LHFPL6: variants seen among roughly 807,000 people sequenced by gnomAD.
LHFPL6 encodes the protein LHFPL tetraspan subfamily member 6, also known as LHFPL tetraspan subfamily member 6 protein.
A neutral mutation model predicts 20.6 loss-of-function variants in LHFPL6; 9 were observed. The observed-to-expected ratio is 0.44, with a 90% CI of 0.26 to 0.76. The LOEUF (loss-of-function observed/expected upper bound fraction) is 0.76, where lower values mean the gene tolerates loss of function less well. Among genes scored for constraint, LHFPL6 ranks in the 30% least tolerant of loss-of-function variants. LHFPL6 has a pLI of 0.20. For missense variants in LHFPL6, 218 were observed against 253.5 expected, an observed-to-expected ratio of 0.86 and a Z score of 0.95; for synonymous variants, 105 against 98.7, an observed-to-expected ratio of 1.06 and a Z score of -0.38.
chr13:39,553,730 TA>T (rs942401862), intron 2 of LHFPL6, among the ~76,000 whole-genome samples: 6 of 151,210 alleles, frequency 4.0e-5, no homozygotes, highest in Admixed American at 2.6e-4. Context: ...ATAAAATAAA[TA>T]AAAAAGGCCA....
At chr13:39,596,552 G>A (rs1212199649) in intron 2 of LHFPL6, among the ~76,000 whole-genome samples, 2 of 152,008 alleles carry the variant, frequency 1.3e-5, no homozygotes, top group Non-Finnish European at 2.9e-5. Flanking sequence ...TTTAAAAACT[G>A]CTGGCTAAAA....
rs550510415 is a variant in LHFPL6 at position 39,370,642 on chromosome 13, C to A, written c.484+7786G>T. Among the ~76,000 whole-genome samples, 8 of 152,344 alleles carry A rather than the reference C, an allele frequency of 5.3e-5. No individual in the cohort carries two copies. The East Asian group carries it at 1.5e-3, about 29-fold the overall frequency. On this transcript the variant is annotated intron_variant, in intron 3 of 3. Coordinates refer to ENST00000379589, the MANE Select transcript of LHFPL6 (RefSeq NM_005780.3). Reference sequence around the variant, plus strand: ...CAGACACTTTAACTGCCGCTCTCTGCAAACACTTGCTGCTTGAGTCAGGAG... The same window carrying A: ...CAGACACTTTAACTGCCGCTCTCTGAAAACACTTGCTGCTTGAGTCAGGAG...
rs571366409 is a variant in LHFPL6, at chr13:39,396,339, G to A, written c.386-17813C>T. Among the ~76,000 whole-genome samples the A allele has an allele frequency of 5.9e-5, 9 of 152,214 alleles. No individual in the cohort carries two copies. In the South Asian group the frequency reaches 1.5e-3, roughly 25 times the overall value. ...CTAACCTGGTGTTATTGGCTAAACTGCATCGCCCTATCTCCAAAACAGAGG... is the reference window on the plus strand; with the variant it reads ...CTAACCTGGTGTTATTGGCTAAACTACATCGCCCTATCTCCAAAACAGAGG... On this transcript the variant is annotated intron_variant, in intron 2 of 3. Transcript: ENST00000379589.
At chr13:39,579,170 C>T (rs1593372049) in intron 2 of LHFPL6, among the ~76,000 whole-genome samples, 1 of 152,204 alleles carries the variant, frequency 6.6e-6, no homozygotes, top group East Asian at 1.9e-4. Flanking sequence ...GGGCCATGCT[C>T]ACACCCAAGA....
chr13:39,574,880 TG>T (rs1290504122), intron 2 of LHFPL6, among the ~76,000 whole-genome samples: 1 of 152,146 alleles, frequency 6.6e-6, no homozygotes, highest in Non-Finnish European at 1.5e-5. Flanking sequence ...GAGACCAGTC[TG>T]GCCATCATGG....
At chr13:39,529,089 C>CT (rs202128492) in intron 2 of LHFPL6, among the ~76,000 whole-genome samples, 62 of 149,646 alleles carry the variant, frequency 4.1e-4, no homozygotes, top group Admixed American at 1.3e-3. Flanking sequence ...TCCCTTATTT[C>CT]TTTTTTTTTT....
At chr13:39,448,372 T>A (rs1003453080) in intron 2 of LHFPL6, among the ~76,000 whole-genome samples, 3 of 152,190 alleles carry the variant, frequency 2.0e-5, no homozygotes, top group African/African-American at 7.2e-5. Context: ...GCACATTTAT[T>A]CATCAGGTAG....
chr13:39,477,811 G>A (rs770686583), intron 2 of LHFPL6, among the ~76,000 whole-genome samples: 7 of 152,152 alleles, frequency 4.6e-5, no homozygotes, highest in South Asian at 2.1e-4. Flanking sequence ...TTAGCTCTTC[G>A]TATGGTTTAT....
intron 2 of LHFPL6, among the ~76,000 whole-genome samples, chr13:39,527,879 C>G (rs965311950): frequency 2.6e-5 from 4 of 152,196 alleles, no homozygotes; most frequent in African/African-American, 9.7e-5. Flanking sequence ...GAACTTCTAG[C>G]AACTTCTATT....
In LHFPL6 at chr13:39,458,791, G is replaced by A. The variant is rs566783549; in HGVS notation, c.386-80265C>T. Among the ~76,000 whole-genome samples, 14 of 151,180 alleles carry A rather than the reference G, an allele frequency of 9.3e-5. No individual in the cohort carries two copies. In the South Asian group the frequency reaches 2.5e-3, roughly 27 times the overall value. ...TATAAATGAGGAAAGAAAAAAAAAA[G>A]AGGGTTAGGAAGTCCACATTTGGAT... On this transcript the variant is annotated intron_variant, in intron 2 of 3. Transcript: ENST00000379589.
At chr13:39,366,243 T>C (rs937981783) in intron 3 of LHFPL6, among the ~76,000 whole-genome samples, 4 of 152,344 alleles carry the variant, frequency 2.6e-5, no homozygotes, top group Admixed American at 2.6e-4. Context: ...AGGGAGTGTC[T>C]CTAACTACTT....
At chr13:39,493,492 G>T (rs1385559055) in intron 2 of LHFPL6, among the ~76,000 whole-genome samples, 1 of 152,062 alleles carries the variant, frequency 6.6e-6, no homozygotes, top group African/African-American at 2.4e-5. Context: ...TGAAAAAATT[G>T]AAATGAGATA....
intron 2 of LHFPL6, among the ~76,000 whole-genome samples, chr13:39,511,943 T>C (rs1429599724): frequency 6.6e-6 from 1 of 152,180 alleles, no homozygotes; most frequent in Non-Finnish European, 1.5e-5. Context: ...CTGAAAGTTA[T>C]ATTTCTTACC....
chr13:39,592,002 G>A (rs1455667236), intron 2 of LHFPL6, among the ~76,000 whole-genome samples: 1 of 151,846 alleles, frequency 6.6e-6, no homozygotes, highest in African/African-American at 2.4e-5. Flanking sequence ...AGGCCAAGGC[G>A]GGAGAATCGC....
intron 2 of LHFPL6, among the ~76,000 whole-genome samples, chr13:39,491,316 C>A (rs1182434543): frequency 6.6e-6 from 1 of 152,108 alleles, no homozygotes; most frequent in African/African-American, 2.4e-5. Context: ...TTTCTGACAG[C>A]TGGGTTCGCG....
intron 2 of LHFPL6, among the ~76,000 whole-genome samples, chr13:39,379,502 T>G (rs142526010): frequency 2.4e-3 from 370 of 152,252 alleles, no homozygotes; most frequent in African/African-American, 8.4e-3. Context: ...TCCATTAATA[T>G]GGTAACGTGG....
chr13:39,343,356 A>C lies in LHFPL6; in HGVS notation c.*580T>G, dbSNP rs931861878. 1.3e-5 allele frequency: 3 copies of C among 229,626 alleles called. No homozygotes were observed. The highest frequency in any genetic ancestry group is 6.6e-5 in the African/African-American group (3 of 45,126). The allele number at this position is 229,626 out of a possible 1,614,324, so 14.2% of individuals were successfully genotyped here. A position where few individuals can be genotyped will look rare whatever the true frequency, so the allele number is the denominator to read the frequency against. On this transcript the variant is annotated 3_prime_UTR_variant, in exon 4 of 4. Coordinates refer to ENST00000379589, the MANE Select transcript of LHFPL6 (RefSeq NM_005780.3). ...TAAATGTATATTAAAAAGAAAACAGAGGAGAAATGCACCACTAAACCTCCC... is the reference window on the plus strand; with the variant it reads ...TAAATGTATATTAAAAAGAAAACAGCGGAGAAATGCACCACTAAACCTCCC...
intron 2 of LHFPL6, among the ~76,000 whole-genome samples, chr13:39,506,257 G>C (rs1027111587): frequency 6.6e-6 from 1 of 152,158 alleles, no homozygotes; most frequent in African/African-American, 2.4e-5. Context: ...AGGAAAACAA[G>C]AAGAGGCTAC....
At chr13:39,354,688 C>T (rs1180071755) in intron 3 of LHFPL6, among the ~76,000 whole-genome samples, 1 of 151,986 alleles carries the variant, frequency 6.6e-6, no homozygotes. Flanking sequence ...ATTAAAAAGA[C>T]ACGGCCATTT....
Sources: gnomAD v4.1 joint callset for allele counts (sites outside exome capture counted in the v4.1 genomes callset) on GRCh38, gnomAD v4.1.1 for gene constraint, MANE v1.5 for transcripts, NCBI Gene and HGNC (gene_info 2026-07-23, HGNC 2026-07-21) for gene names.